The following ABCA13 variants were observed in gnomAD, a reference collection of about 807,000 sequenced individuals.
ABCA13 encodes ATP binding cassette subfamily A member 13.
Under a neutral mutation model 478.7 loss-of-function variants are expected in ABCA13, and 476 were observed. That is an observed-to-expected ratio of 0.99 (90% confidence interval 0.92 to 1.07). The LOEUF (loss-of-function observed/expected upper bound fraction) is 1.07. ABCA13 is among the 50% of genes least tolerant of loss of function. The probability of loss-of-function intolerance (pLI) is 0.00; values close to 1 mark genes in which losing one functional copy is unlikely to be tolerated. For missense variants in ABCA13, 6,060 were observed against 5,910.6 expected (o/e 1.03, Z -0.83); for synonymous variants, 2,252 against 2,158.9 (o/e 1.04, Z -1.20).
intron 43 of ABCA13, among the ~76,000 whole-genome samples, chr7:48,465,140 G>A (rs1194351558): frequency 6.6e-6 from 1 of 152,208 alleles, no homozygotes; most frequent in African/African-American, 2.4e-5. Context: ...CTAGGATTGT[G>A]GAGGGATTCA....
intron 42 of ABCA13, among the ~76,000 whole-genome samples, chr7:48,428,356 T>C (rs1821716527): frequency 6.6e-6 from 1 of 152,130 alleles, no homozygotes. Context: ...GCCTCCTTTA[T>C]AGGCTTTAAT....
At chr7:48,239,454 T>A in intron 9 of ABCA13, 49 bp downstream of exon 9, 1 of 1,528,670 alleles carries the variant, frequency 6.5e-7, no homozygotes, top group East Asian at 2.3e-5. Context: ...CCAGTTTGAG[T>A]GTCCAAATCC....
intron 48 of ABCA13, among the ~76,000 whole-genome samples, chr7:48,495,406 C>T (rs1337431038): frequency 6.6e-6 from 1 of 152,088 alleles, no homozygotes; most frequent in Non-Finnish European, 1.5e-5. Context: ...TGACCATACT[C>T]TGCATTATTT....
intron 46 of ABCA13, 92 bp from the exon 47 acceptor site, chr7:48,482,984 C>T: frequency 2.0e-6 from 2 of 978,000 alleles, no homozygotes; most frequent in African/African-American, 1.6e-5. Flanking sequence ...CCTAAGACTG[C>T]TGTACCTGGT....
At chr7:48,530,672 A>G (rs1261706657) in intron 55 of ABCA13, among the ~76,000 whole-genome samples, 1 of 151,992 alleles carries the variant, frequency 6.6e-6, no homozygotes, top group East Asian at 1.9e-4. Context: ...TTTTTTGATT[A>G]TGGCCATTCT....
At chr7:48,496,566 C>T (rs1563351502) in intron 48 of ABCA13, among the ~76,000 whole-genome samples, 1 of 151,908 alleles carries the variant, frequency 6.6e-6, no homozygotes, top group East Asian at 1.9e-4. Flanking sequence ...AAGCCTTTTC[C>T]TGTTATGATT....
chr7:48,299,531 G>A (rs887595801), intron 23 of ABCA13, among the ~76,000 whole-genome samples: 4 of 152,074 alleles, frequency 2.6e-5, no homozygotes, highest in Admixed American at 6.6e-5. Context: ...TCCCTACCTC[G>A]CATGATGCCT....
chr7:48,477,073 A>G (rs1255223075), intron 45 of ABCA13, among the ~76,000 whole-genome samples: 1 of 152,216 alleles, frequency 6.6e-6, no homozygotes, highest in Non-Finnish European at 1.5e-5. Context: ...CATCGTCAAG[A>G]TACAAAGTAG....
chr7:48,462,285 G>A (rs1022135872), intron 43 of ABCA13, among the ~76,000 whole-genome samples: 1 of 152,096 alleles, frequency 6.6e-6, no homozygotes, highest in Non-Finnish European at 1.5e-5. Context: ...GCATTAAGAA[G>A]TTCTAAAGTC....
intron 24 of ABCA13, 150 bp from the exon 25 acceptor site, chr7:48,312,917 T>C (rs1801980861): frequency 1.4e-6 from 1 of 708,674 alleles, no homozygotes; most frequent in Non-Finnish European, 2.1e-6. Flanking sequence ...CTAATGAAGA[T>C]AACTTTCATA....
At chr7:48,603,253 CT>C (rs1459291635) in intron 58 of ABCA13, among the ~76,000 whole-genome samples, 1 of 152,146 alleles carries the variant, frequency 6.6e-6, no homozygotes, top group African/African-American at 2.4e-5. Flanking sequence ...CTGGCCAGAA[CT>C]TTCAACACTA....
chr7:48,184,136 G>A (rs1209648405), intron 1 of ABCA13, among the ~76,000 whole-genome samples: 2 of 152,092 alleles, frequency 1.3e-5, no homozygotes, highest in African/African-American at 2.4e-5. Context: ...ACATTGTCCC[G>A]AATTGGTGGG....
chr7:48,373,841 T>A (rs1813034428), intron 33 of ABCA13, among the ~76,000 whole-genome samples: 1 of 152,254 alleles, frequency 6.6e-6, no homozygotes, highest in African/African-American at 2.4e-5. Context: ...TCTGGTACAC[T>A]GTATTTTTTA....
At chr7:48,584,230 T>C (rs1378607471) in intron 56 of ABCA13, among the ~76,000 whole-genome samples, 1 of 152,206 alleles carries the variant, frequency 6.6e-6, no homozygotes. Context: ...ACATTTTCAT[T>C]CTCTTTTTCT....
chr7:48,354,428 C>T (rs1395312542), intron 31 of ABCA13, among the ~76,000 whole-genome samples: 1 of 152,010 alleles, frequency 6.6e-6, no homozygotes, highest in Admixed American at 6.5e-5. Flanking sequence ...AATCAGTTTT[C>T]AATTCCTACT....
intron 5 of ABCA13, among the ~76,000 whole-genome samples, chr7:48,222,213 G>A (rs1429965178): frequency 2.6e-5 from 4 of 152,000 alleles, no homozygotes; most frequent in Non-Finnish European, 5.9e-5. Context: ...TGATGCACCA[G>A]GTCAAAAGGA....
chr7:48,248,384 A>C lies in ABCA13; in HGVS notation c.1805A>C (p.Asp602Ala). ...CGGCTCTTCCTGCTGCTGGGAGCTG[A>C]TCCCTCTCCTGAGAATGATGTCTTT... Reference protein sequence around the residue: ...CTRLFLLLGADPSPENDVFSS... With the variant: ...CTRLFLLLGAAPSPENDVFSS... The change falls in exon 14 of 62, where the codon GAT (aspartate) becomes GCT (alanine). Residue 602 changes from aspartate to alanine, a missense_variant. Physicochemically the swap from Asp to Ala is moderately radical, Grantham distance 126 (BLOSUM62 -2). This residue lies in a region of ABCA13 where 4,423 missense variants were observed against 4,309.1 expected (regional missense o/e 1.03). Coordinates refer to ENST00000435803, the MANE Select transcript of ABCA13 (RefSeq NM_152701.5). 6.2e-7 allele frequency: 1 copy of C among 1,613,574 alleles called. No homozygotes were observed. Among genetic ancestry groups the C allele is most frequent in the Non-Finnish European group, 8.5e-7 (1 of 1,179,662 alleles).
chr7:48,450,972 C>CTTTTTTTTTTTTTTTTTTTTT (rs11423408), intron 42 of ABCA13, among the ~76,000 whole-genome samples: 1 of 139,688 alleles, frequency 7.2e-6, no homozygotes, highest in African/African-American at 2.7e-5. Context: ...TTATTATATT[C>CTTTTTTTTTTTTTTTTTTTTT]TTTTTTTTTT....
At chr7:48,607,730 T>C (rs1001839838) in intron 58 of ABCA13, among the ~76,000 whole-genome samples, 3 of 152,178 alleles carry the variant, frequency 2.0e-5, no homozygotes, top group African/African-American at 7.2e-5. Flanking sequence ...CAGGTCTGGA[T>C]TCTGATTCTC....
Sources: gnomAD v4.1 joint callset for allele counts (sites outside exome capture counted in the v4.1 genomes callset) on GRCh38, gnomAD v4.1.1 for gene constraint, gnomAD v4.1.1 regional missense constraint, MANE v1.5 for transcripts, NCBI Gene and HGNC (gene_info 2026-07-23, HGNC 2026-07-21) for gene names.